GPC5: variants seen among roughly 807,000 people sequenced by gnomAD.
The protein encoded by GPC5 is glypican-5.
A neutral mutation model predicts 53.9 loss-of-function variants in GPC5; 47 were observed. That is an observed-to-expected ratio of 0.87 (90% CI 0.69 to 1.11). The LOEUF (loss-of-function observed/expected upper bound fraction) is 1.11, where lower values mean the gene tolerates loss of function less well. Ranked by LOEUF, GPC5 falls within the 50% of genes most tolerant of loss-of-function variation. The pLI is 0.00. For synonymous variants in GPC5, 286 were observed against 263.3 expected (o/e 1.09, Z -0.84); for missense variants, 748 against 713.1 (o/e 1.05, Z -0.56).
At chr13:92,530,681 T>A (rs1293683641) in intron 7 of GPC5, among the ~76,000 whole-genome samples, 1 of 152,094 alleles carries the variant, frequency 6.6e-6, no homozygotes, top group Admixed American at 6.6e-5. Context: ...AGTAAAATAT[T>A]TGGGTTGAGT....
intron 7 of GPC5, among the ~76,000 whole-genome samples, chr13:92,789,329 A>G (rs1442502669): frequency 1.3e-5 from 2 of 152,190 alleles, no homozygotes; most frequent in African/African-American, 4.8e-5. Flanking sequence ...ATAGGGTGAT[A>G]AGAAGGAAAT....
intron 5 of GPC5, among the ~76,000 whole-genome samples, chr13:91,855,229 C>T (rs968926394): frequency 2.0e-5 from 3 of 151,674 alleles, no homozygotes; most frequent in Non-Finnish European, 4.4e-5. Flanking sequence ...TTCTAACTAG[C>T]TCCTAGTAAC....
chr13:91,741,024 C>T (rs963233127), intron 4 of GPC5, among the ~76,000 whole-genome samples: 2 of 152,062 alleles, frequency 1.3e-5, no homozygotes, highest in Admixed American at 6.6e-5. Context: ...ATTAGCCAGG[C>T]CTCTCATTTC....
At chr13:92,816,329 T>C (rs1392975416) in intron 7 of GPC5, among the ~76,000 whole-genome samples, 1 of 152,090 alleles carries the variant, frequency 6.6e-6, no homozygotes, top group Non-Finnish European at 1.5e-5. Context: ...TTGAGCTATA[T>C]GATTTCCCCC....
chr13:92,697,920 T>C (rs1272503862), intron 7 of GPC5, among the ~76,000 whole-genome samples: 1 of 152,228 alleles, frequency 6.6e-6, no homozygotes, highest in Non-Finnish European at 1.5e-5. Context: ...TGTTGAATTT[T>C]GTCTAAGGCC....
At position 91,693,755 on chromosome 13, in the gene GPC5, G is replaced by T; in HGVS notation, c.894G>T (p.Ser298=). ...CACACTGGCATGCATATATCCGGTC[G>T]TTGGAAGAACTCTCGGATGCAATGC... The part of the protein sequence containing the change: ...LNPHWHAYIR[S]LEELSDAMHG... The change falls in exon 3 of 8, where the codon TCG becomes TCT. Residue 298 remains serine (S), a synonymous_variant. Transcript: ENST00000377067. The T allele has an allele frequency of 6.2e-7, 1 of 1,614,140 alleles. No individual in the cohort carries two copies. The highest frequency in any genetic ancestry group is 1.1e-5 in the South Asian group (1 of 91,086).
chr13:92,608,540 G>A (rs913910779), intron 7 of GPC5, among the ~76,000 whole-genome samples: 18 of 152,116 alleles, frequency 1.2e-4, no homozygotes, highest in African/African-American at 4.1e-4. Flanking sequence ...ATGCATGTAA[G>A]GGGAAAATTT....
At chr13:92,377,628 A>T (rs1405595423) in intron 7 of GPC5, among the ~76,000 whole-genome samples, 1 of 152,226 alleles carries the variant, frequency 6.6e-6, no homozygotes, top group Non-Finnish European at 1.5e-5. Context: ...CTTATGAAAA[A>T]TTCATATGTC....
rs796178684 is a variant in GPC5 at position 92,264,494 on chromosome 13, T to TAC, written c.1561+119519_1561+119520dup. On this transcript the variant is annotated intron_variant, in intron 7 of 7. Coordinates refer to ENST00000377067, the MANE Select transcript of GPC5 (RefSeq NM_004466.6). ...TGGAGTTGCAAGAAGCACACACACA[T>TAC]ACACACACACACACAAGCAAAGCAA... 7.0e-4 allele frequency among the ~76,000 whole-genome samples: 105 copies of TAC among 150,896 alleles called. 1 individual carries two copies. Among genetic ancestry groups the TAC allele is most frequent in the Middle Eastern group, 3.4e-3 (1 of 290 alleles).
chr13:91,546,253 C>T (rs551454195), intron 2 of GPC5, among the ~76,000 whole-genome samples: 70 of 152,142 alleles, frequency 4.6e-4, no homozygotes, highest in African/African-American at 1.6e-3. Flanking sequence ...TGTAAATTAA[C>T]ATTACAACAT....
chr13:91,705,009 C>T (rs1027802925), intron 3 of GPC5, among the ~76,000 whole-genome samples: 1 of 152,114 alleles, frequency 6.6e-6, no homozygotes, highest in Non-Finnish European at 1.5e-5. Context: ...GCTGTCAGTT[C>T]CCTTCTTGGT....
chr13:91,608,630 A>G (rs2033448993), intron 2 of GPC5, among the ~76,000 whole-genome samples: 1 of 152,192 alleles, frequency 6.6e-6, no homozygotes, highest in African/African-American at 2.4e-5. Context: ...CTGAAATTGC[A>G]CAAAAAGCAG....
At chr13:92,285,723 C>G (rs561885929) in intron 7 of GPC5, among the ~76,000 whole-genome samples, 5 of 152,240 alleles carry the variant, frequency 3.3e-5, no homozygotes, top group African/African-American at 1.2e-4. Context: ...TTCCTTACAC[C>G]TTATACAAAA....
chr13:92,042,024 T>A (rs2040945597), intron 6 of GPC5, among the ~76,000 whole-genome samples: 1 of 152,106 alleles, frequency 6.6e-6, no homozygotes, highest in African/African-American at 2.4e-5. Context: ...CAATAAATAG[T>A]GCTCTGAATG....
chr13:92,273,306 T>C lies in GPC5; in HGVS notation c.1561+128317T>C, dbSNP rs191777492. Among the ~76,000 whole-genome samples, 487 of 152,198 alleles carry C rather than the reference T, an allele frequency of 3.2e-3. 2 individuals are homozygous for C. The highest frequency in any genetic ancestry group is 0.015 in the South Asian group (70 of 4,826). ...GATGATGATTTTTACACTATCAAAATAGGCCTGAAGCAATAACTCCACAGC... is the reference window on the plus strand; with the variant it reads ...GATGATGATTTTTACACTATCAAAACAGGCCTGAAGCAATAACTCCACAGC... On this transcript the variant is annotated intron_variant, in intron 7 of 7. Coordinates refer to ENST00000377067, the MANE Select transcript of GPC5 (RefSeq NM_004466.6).
At chr13:92,816,961 G>A (rs917301413) in intron 7 of GPC5, among the ~76,000 whole-genome samples, 1 of 151,890 alleles carries the variant, frequency 6.6e-6, no homozygotes. Context: ...CCTCTATAGT[G>A]ATGTTCTCTA....
chr13:92,172,661 A>G (rs2042078807), intron 7 of GPC5, among the ~76,000 whole-genome samples: 1 of 152,142 alleles, frequency 6.6e-6, no homozygotes, highest in Non-Finnish European at 1.5e-5. Flanking sequence ...TCACCTTGAA[A>G]ATATTTTCAG....
chr13:92,115,910 A>G (rs552370915), intron 6 of GPC5, among the ~76,000 whole-genome samples: 100 of 152,064 alleles, frequency 6.6e-4, no homozygotes, highest in African/African-American at 2.4e-3. Context: ...AAGGTTAAAT[A>G]AGGTCATCAG....
intron 7 of GPC5, among the ~76,000 whole-genome samples, chr13:92,482,199 C>T (rs1354440816): frequency 6.6e-6 from 1 of 152,102 alleles, no homozygotes; most frequent in African/African-American, 2.4e-5. Context: ...ATATCCTTTC[C>T]ACCAACAAGT....
Sources: gnomAD v4.1 joint callset for allele counts (sites outside exome capture counted in the v4.1 genomes callset) on GRCh38, gnomAD v4.1.1 for gene constraint, MANE v1.5 for transcripts, NCBI Gene and HGNC (gene_info 2026-07-23, HGNC 2026-07-21) for gene names.